Variants in WWOX observed in about 807,000 individuals in gnomAD.
The protein encoded by WWOX is WW domain containing oxidoreductase.
Under a neutral mutation model 46.2 loss-of-function variants are expected in WWOX, and 69 were observed. That is an observed-to-expected ratio of 1.49 (90% CI 1.23 to 1.82). The LOEUF is 1.82. WWOX is among the 40% of genes most tolerant of loss of function. WWOX has a pLI of 0.00. For missense variants in WWOX, 919 were observed against 542.6 expected (o/e 1.69, Z -6.89); for synonymous variants, 359 against 202.6 (o/e 1.77, Z -6.56).
chr16:78,738,535 C>G (rs1233714980), intron 8 of WWOX, among the ~76,000 whole-genome samples: 3 of 152,026 alleles, frequency 2.0e-5, no homozygotes, highest in African/African-American at 4.8e-5. Context: ...ACAAATATAT[C>G]TGTATTTTTC....
At chr16:78,546,897 C>T (rs374684304) in intron 8 of WWOX, among the ~76,000 whole-genome samples, 5 of 151,890 alleles carry the variant, frequency 3.3e-5, no homozygotes, top group Non-Finnish European at 7.4e-5. Flanking sequence ...GAGGCTGAGG[C>T]GGGTGGATCA....
At chr16:79,076,626 C>G (rs2048662585) in intron 8 of WWOX, among the ~76,000 whole-genome samples, 1 of 152,190 alleles carries the variant, frequency 6.6e-6, no homozygotes, top group South Asian at 2.1e-4. Flanking sequence ...TCTATCTGTA[C>G]CTACCACAGC....
At chr16:78,243,557 C>CT (rs2037725237) in intron 5 of WWOX, among the ~76,000 whole-genome samples, 1 of 151,828 alleles carries the variant, frequency 6.6e-6, no homozygotes, top group Non-Finnish European at 1.5e-5. Context: ...TTGTTTCCTT[C>CT]TTTTTTTGAG....
chr16:78,473,846 A>G (rs2084291642), intron 8 of WWOX, among the ~76,000 whole-genome samples: 1 of 152,166 alleles, frequency 6.6e-6, no homozygotes, highest in Non-Finnish European at 1.5e-5. Flanking sequence ...ATGGTGTAGC[A>G]TGCCTAGTCC....
chr16:78,701,424 G>T (rs1372023447), intron 8 of WWOX, among the ~76,000 whole-genome samples: 1 of 152,064 alleles, frequency 6.6e-6, no homozygotes, highest in East Asian at 1.9e-4. Context: ...CCATCTGACA[G>T]GAGGTTGAAG....
chr16:79,044,897 A>G (rs2048037400), intron 8 of WWOX, among the ~76,000 whole-genome samples: 1 of 152,094 alleles, frequency 6.6e-6, no homozygotes, highest in African/African-American at 2.4e-5. Context: ...CCCTGTGTAG[A>G]ATGAGGCTAA....
At chr16:78,326,111 G>T (rs2080607684) in intron 5 of WWOX, among the ~76,000 whole-genome samples, 1 of 152,162 alleles carries the variant, frequency 6.6e-6, no homozygotes, top group Admixed American at 6.5e-5. Context: ...CCCTCCAGAA[G>T]TCCAGGGCTC....
chr16:78,865,478 G>A (rs1263410355), intron 8 of WWOX, among the ~76,000 whole-genome samples: 2 of 152,186 alleles, frequency 1.3e-5, no homozygotes, highest in East Asian at 3.9e-4. Context: ...AATTTCAAAT[G>A]CTCCCTGAAC....
chr16:78,474,888 C>T (rs928389655), intron 8 of WWOX, among the ~76,000 whole-genome samples: 1 of 152,186 alleles, frequency 6.6e-6, no homozygotes, highest in Non-Finnish European at 1.5e-5. Context: ...TTTCAAGATA[C>T]TGCACCTAAT....
rs573344873 is a variant in WWOX at position 78,579,527 on chromosome 16, A to G, written c.1056+146775A>G. Reference sequence around the variant, plus strand: ...ACATGAGATGAGGCTGGCGAGAGAGAAGGATGCTAGGTGAGGTGCTGTGGT... The same window carrying G: ...ACATGAGATGAGGCTGGCGAGAGAGGAGGATGCTAGGTGAGGTGCTGTGGT... On this transcript the variant is annotated intron_variant, in intron 8 of 8. Coordinates refer to ENST00000566780, the MANE Select transcript of WWOX (RefSeq NM_016373.4). Among the ~76,000 whole-genome samples the G allele has an allele frequency of 9.2e-5, 14 of 152,172 alleles. No individual in the cohort carries two copies. In the East Asian group the frequency reaches 2.1e-3, roughly 23 times the overall value.
intron 4 of WWOX, among the ~76,000 whole-genome samples, chr16:78,120,443 G>A (rs998319230): frequency 3.9e-5 from 6 of 152,132 alleles, no homozygotes; most frequent in Non-Finnish European, 5.9e-5. Flanking sequence ...AGTGGCGGGC[G>A]CCTGTAGTCC....
At chr16:78,340,306 C>G (rs555888051) in intron 5 of WWOX, among the ~76,000 whole-genome samples, 1 of 116,502 alleles carries the variant, frequency 8.6e-6, no homozygotes, top group East Asian at 2.0e-4. Context: ...AAGTGACTGT[C>G]CTGCCTTAGC....
At chr16:79,208,513 C>T (rs1055069647) in intron 8 of WWOX, among the ~76,000 whole-genome samples, 7 of 152,120 alleles carry the variant, frequency 4.6e-5, no homozygotes, top group African/African-American at 9.7e-5. Flanking sequence ...TATTTTATAA[C>T]GGAGTTGTTA....
At chr16:79,152,113 T>A (rs1334320492) in intron 8 of WWOX, among the ~76,000 whole-genome samples, 1 of 152,224 alleles carries the variant, frequency 6.6e-6, no homozygotes, top group Non-Finnish European at 1.5e-5. Context: ...TCCTCTACTT[T>A]TTCCTGTAGA....
intron 8 of WWOX, among the ~76,000 whole-genome samples, chr16:79,121,085 T>G (rs2049621737): frequency 6.6e-6 from 1 of 152,196 alleles, no homozygotes; most frequent in African/African-American, 2.4e-5. Context: ...GTTTCTTCTG[T>G]AAGGATACTT....
chr16:78,654,573 C>G (rs1289398178), intron 8 of WWOX, among the ~76,000 whole-genome samples: 1 of 152,116 alleles, frequency 6.6e-6, no homozygotes, highest in Non-Finnish European at 1.5e-5. Context: ...ATTCTGATTT[C>G]TCCGTGATAT....
chr16:78,588,648 C>G (rs529674434), intron 8 of WWOX, among the ~76,000 whole-genome samples: 126 of 152,274 alleles, frequency 8.3e-4, no homozygotes, highest in African/African-American at 2.8e-3. Flanking sequence ...CACTTGAGTT[C>G]TTGTTGAGTG....
chr16:78,505,599 C>T (rs545429655), intron 8 of WWOX, among the ~76,000 whole-genome samples: 34 of 152,286 alleles, frequency 2.2e-4, no homozygotes, highest in African/African-American at 7.7e-4. Flanking sequence ...TGGGGCCAGC[C>T]AGCCTCACCA....
Position 78,349,915 on chromosome 16 carries a change from G to A in WWOX, c.517-36945G>A, listed in dbSNP as rs1057213914. Among the ~76,000 whole-genome samples, 2 of 120,622 alleles carry A rather than the reference G, an allele frequency of 1.7e-5. 1 individual carries two copies. The highest frequency in any genetic ancestry group is 4.0e-5 in the Non-Finnish European group (2 of 50,570). 79.1% of individuals were successfully genotyped at this position (120,622 alleles called of 152,430 possible). A position where few individuals can be genotyped will look rare whatever the true frequency, so the allele number is the denominator to read the frequency against. On this transcript the variant is annotated intron_variant, in intron 5 of 8. Coordinates refer to ENST00000566780, the MANE Select transcript of WWOX (RefSeq NM_016373.4). ...CAGAAATAATCCCTGTTAACATTTC[G>A]GTTTGTGTTATGGAAGTGTTCTCTC...
Sources: gnomAD v4.1 joint callset for allele counts (sites outside exome capture counted in the v4.1 genomes callset) on GRCh38, gnomAD v4.1.1 for gene constraint, MANE v1.5 for transcripts, NCBI Gene and HGNC (gene_info 2026-07-23, HGNC 2026-07-21) for gene names.